AK9: variants seen among roughly 807,000 people sequenced by gnomAD.
AK9 encodes adenylate kinase domain containing 1.
AK9 carries 191 observed loss-of-function variants against 239.6 expected under a neutral mutation model. The ratio of observed to expected loss-of-function variants is 0.80; its 90% CI spans 0.71 to 0.90. The LOEUF is 0.90. Ranked by LOEUF, AK9 falls within the 40% of genes least tolerant of loss-of-function variation. The pLI is 0.00. For missense variants in AK9, 1,995 were observed against 2,214.7 expected, an observed-to-expected ratio of 0.90 and a Z score of 1.99; for synonymous variants, 689 against 721.0, an observed-to-expected ratio of 0.96 and a Z score of 0.71.
At chr6:109,669,421 C>T (rs1445188739) in intron 5 of AK9, among the ~76,000 whole-genome samples, 2 of 151,972 alleles carry the variant, frequency 1.3e-5, no homozygotes, top group Admixed American at 6.6e-5. Flanking sequence ...ACTTCCAACA[C>T]TATGTTGAAT....
At chr6:109,519,275 C>T (rs1445588660) in intron 29 of AK9, among the ~76,000 whole-genome samples, 1 of 152,110 alleles carries the variant, frequency 6.6e-6, no homozygotes, top group African/African-American at 2.4e-5. Context: ...CTATGATGAA[C>T]ATATGAGTGG....
chr6:109,675,773 TA>T lies in AK9; in HGVS notation c.-11-18del. On this transcript the variant is annotated intron_variant, in intron 1 of 40. Transcript: ENST00000424296. ...CACAAAATACTACAATAAAAAAGGG[TA>T]AGATTGTTAACTTGTCTAATTTGGT... is the stretch of plus-strand genomic sequence containing the variant. The T allele has an allele frequency of 7.0e-7, 1 of 1,424,786 alleles. No individual in the cohort carries two copies. 88.3% of individuals were successfully genotyped at this position (1,424,786 alleles called of 1,614,324 possible).
chr6:109,571,731 A>T, intron 21 of AK9, among the ~76,000 whole-genome samples: 1 of 152,192 alleles, frequency 6.6e-6, no homozygotes, highest in East Asian at 1.9e-4. Flanking sequence ...TCAAATTTCT[A>T]TTCAATATAT....
At chr6:109,542,268 A>C in intron 26 of AK9, 97 bp from the exon 27 acceptor site, 1 of 1,185,610 alleles carries the variant, frequency 8.4e-7, no homozygotes, top group Non-Finnish European at 1.2e-6. Flanking sequence ...GGAGGACCTC[A>C]TGGAGGTGGA....
chr6:109,654,108 T>A (rs2128308077), intron 8 of AK9, among the ~76,000 whole-genome samples: 1 of 152,178 alleles, frequency 6.6e-6, no homozygotes, highest in South Asian at 2.1e-4. Context: ...AAAACCCAGC[T>A]CTCTTCCATT....
At chr6:109,617,907 T>C (rs774235815) in intron 13 of AK9, among the ~76,000 whole-genome samples, 1 of 152,162 alleles carries the variant, frequency 6.6e-6, no homozygotes, top group Non-Finnish European at 1.5e-5. Flanking sequence ...CTGTTGACTC[T>C]TAAATAATCC....
chr6:109,616,062 C>T (rs1794155259), intron 13 of AK9, among the ~76,000 whole-genome samples: 1 of 151,908 alleles, frequency 6.6e-6, no homozygotes, highest in Admixed American at 6.6e-5. Flanking sequence ...ATACTGAGAC[C>T]CCTGTCTCTG....
chr6:109,591,589 G>A (rs1367726882), intron 17 of AK9, among the ~76,000 whole-genome samples: 2 of 152,022 alleles, frequency 1.3e-5, no homozygotes, highest in African/African-American at 4.8e-5. Flanking sequence ...TTACAGTCTC[G>A]ATTGTGTAAC....
chr6:109,669,226 G>A (rs1271203507), intron 5 of AK9, among the ~76,000 whole-genome samples: 15 of 151,862 alleles, frequency 9.9e-5, no homozygotes, highest in South Asian at 2.1e-4. Context: ...TGTGATTTTT[G>A]CACATTGATT....
intron 26 of AK9, among the ~76,000 whole-genome samples, chr6:109,542,993 T>G (rs925741150): frequency 3.3e-5 from 5 of 152,196 alleles, no homozygotes; most frequent in African/African-American, 9.7e-5. Context: ...TGATTTTTGT[T>G]ATTTATATTA....
chr6:109,609,749 G>A (rs1317021448), intron 17 of AK9, among the ~76,000 whole-genome samples: 2 of 152,006 alleles, frequency 1.3e-5, no homozygotes, highest in Non-Finnish European at 2.9e-5. Flanking sequence ...GTTCATCGAG[G>A]GCCTAAAAGA....
intron 38 of AK9, 127 bp from the exon 39 acceptor site, chr6:109,495,567 T>G: frequency 1.8e-6 from 1 of 563,106 alleles, no homozygotes; most frequent in South Asian, 5.2e-5. Flanking sequence ...ATGATACAAG[T>G]GGGAATGCTG....
intron 17 of AK9, among the ~76,000 whole-genome samples, chr6:109,592,480 T>G (rs946125574): frequency 7.1e-6 from 1 of 141,540 alleles, no homozygotes; most frequent in Non-Finnish European, 1.5e-5. Flanking sequence ...GGAGTCTCGC[T>G]CTTTCACCCA....
At chr6:109,516,668 C>A (rs1306347667) in intron 29 of AK9, 26 bp from the exon 30 acceptor site, 1 of 1,511,932 alleles carries the variant, frequency 6.6e-7, no homozygotes, top group Non-Finnish European at 9.0e-7. Context: ...TTCCCTTTTA[C>A]TATACATATA....
rs1348629225 is a variant in AK9, at chr6:109,579,640, G to A, written c.2115-14C>T. On this transcript the variant is annotated splice_polypyrimidine_tract_variant and intron_variant, in intron 19 of 40. Transcript: ENST00000424296. ...TCTGTGGCTTTTCTGAAATGAAAAGGTTCAAATTTAATTATCTTTGGAAAT... is the reference window on the plus strand; with the variant it reads ...TCTGTGGCTTTTCTGAAATGAAAAGATTCAAATTTAATTATCTTTGGAAAT... The A allele has an allele frequency of 3.9e-6, 6 of 1,546,966 alleles. No homozygotes were observed.
intron 17 of AK9, among the ~76,000 whole-genome samples, chr6:109,597,887 C>T (rs1251912801): frequency 1.3e-5 from 2 of 151,944 alleles, no homozygotes; most frequent in Admixed American, 6.6e-5. Context: ...CTTGAGAAAC[C>T]CAGTGCCTAA....
intron 1 of AK9, among the ~76,000 whole-genome samples, chr6:109,679,868 A>C (rs921709401): frequency 6.6e-6 from 1 of 152,216 alleles, no homozygotes; most frequent in Non-Finnish European, 1.5e-5. Flanking sequence ...GAGGGACCTG[A>C]CTGTTAGAAG....
chr6:109,508,052 C>T (rs573153109), intron 33 of AK9, among the ~76,000 whole-genome samples: 8 of 152,188 alleles, frequency 5.3e-5, no homozygotes, highest in Non-Finnish European at 1.2e-4. Context: ...CATGAATCTG[C>T]TGTGATTCTG....
intron 1 of AK9, among the ~76,000 whole-genome samples, chr6:109,684,174 T>G (rs1258127897): frequency 6.6e-6 from 1 of 152,074 alleles, no homozygotes; most frequent in East Asian, 1.9e-4. Flanking sequence ...AAAAATGGTG[T>G]TGGGAAAGCT....
Sources: allele counts gnomAD v4.1 joint callset (sites outside exome capture counted in the v4.1 genomes callset), GRCh38; gene constraint gnomAD v4.1.1; transcripts MANE v1.5; gene names NCBI Gene and HGNC (gene_info 2026-07-23, HGNC 2026-07-21).